Variants in F7 observed in about 807,000 individuals in gnomAD.
The protein encoded by F7 is FVII coagulation protein.
F7 carries 38 observed loss-of-function variants against 47.5 expected under a neutral mutation model. The ratio of observed to expected loss-of-function variants is 0.80; its 90% confidence interval spans 0.62 to 1.05. The LOEUF (loss-of-function observed/expected upper bound fraction) is 1.05. Among genes scored for constraint, F7 ranks in the 50% least tolerant of loss-of-function variants. The pLI is 0.00. For synonymous variants in F7, 244 were observed against 258.5 expected (o/e 0.94, Z 0.54); for missense variants, 575 against 605.4 (o/e 0.95, Z 0.53).
Position 113,118,381 on chromosome 13 carries a change from G to A in F7, c.740-32G>A, listed in dbSNP as rs1436775671. 2.6e-6 allele frequency: 4 copies of A among 1,566,688 alleles called. No individual in the cohort carries two copies. The Admixed American group carries it at 5.1e-5, about 20-fold the overall frequency. ...CCAGGGGGTGAGGTGGCAGGTGGTG[G>A]AAAGGGCCTGAGGGGGGCTTCTTCC... On this transcript the variant is annotated intron_variant, in intron 7 of 7. Transcript: ENST00000346342.
chr13:113,110,532 G>C (rs1351255311), intron 1 of F7, 158 bp from the exon 2 acceptor site: 6 of 950,788 alleles, frequency 6.3e-6, no homozygotes, highest in Non-Finnish European at 9.3e-6. Flanking sequence ...CCGGGAGCAC[G>C]GCAGGGAGGA....
rs1231244636 is a variant in F7 at position 113,105,891 on chromosome 13, G to T, written c.50G>T (p.Gly17Val). 1.9e-6 allele frequency: 3 copies of T among 1,588,896 alleles called. No homozygotes were observed. The highest frequency in any genetic ancestry group is 2.7e-5 in the African/African-American group (2 of 74,738). ...RLLCLLLGLQ[G>V]CLAAVFVTQE... is the part of the protein sequence containing the mutation. ...CTCTGCCTTCTGCTTGGGCTTCAGG[G>T]CTGCCTGGCTGCAGGTGCGTCCGGG... Residue 17 changes from glycine (G) to valine (V), a missense_variant, in exon 1 of 8, where the codon GGC (glycine) becomes GTC (valine). Gly to Val is a moderately radical substitution (Grantham distance 109). Coordinates refer to ENST00000346342, the MANE Select transcript of F7 (RefSeq NM_019616.4).
intron 1 of F7, chr13:113,106,981 T>C (rs2035973388): frequency 6.6e-7 from 1 of 1,517,692 alleles, no homozygotes; most frequent in East Asian, 2.4e-5. Flanking sequence ...TCCCCTCCCA[T>C]GGCAAAGAGC....
At chr13:113,112,165 ACACCTCACAGAGGT>A (rs1224605549) in intron 2 of F7, among the ~76,000 whole-genome samples, 1 of 137,804 alleles carries the variant, frequency 7.3e-6, no homozygotes, top group Admixed American at 7.2e-5. Context: ...CACCCACAGG[ACACCTCACAGAGGT>A]CACCTCACAC....
At chr13:113,106,240 G>C (rs2035950348) in intron 1 of F7, among the ~76,000 whole-genome samples, 1 of 136,410 alleles carries the variant, frequency 7.3e-6, no homozygotes, top group Non-Finnish European at 1.6e-5. Context: ...GTGCGCACAG[G>C]GTGCTCCCAG....
chr13:113,110,718 C>T lies in F7; in HGVS notation c.93C>T (p.Gly31=), dbSNP rs763156842. ...TCGTAACCCAGGAGGAAGCCCACGG[C>T]GTCCTGCACCGGCGCCGGCGCGCCA... The part of the protein sequence containing the change: ...AVFVTQEEAH[G]VLHRRRRANA... The change falls in exon 2 of 8, where the codon GGC becomes GGT. Residue 31 remains glycine, a synonymous_variant. Coordinates refer to ENST00000346342, the MANE Select transcript of F7 (RefSeq NM_019616.4). 56 of 1,548,610 alleles carry T rather than the reference C, an allele frequency of 3.6e-5. No individual in the cohort carries two copies. The Admixed American group carries it at 1.0e-3, about 28-fold the overall frequency.
chr13:113,110,545 C>A, intron 1 of F7, 145 bp from the exon 2 acceptor site: 2 of 1,139,994 alleles, frequency 1.8e-6, no homozygotes, highest in South Asian at 1.5e-5. Context: ...AGGGAGGACA[C>A]CCAGCCAGGC....
intron 2 of F7, among the ~76,000 whole-genome samples, chr13:113,112,974 ACACT>A (rs988697160): frequency 1.3e-4 from 19 of 150,772 alleles, no homozygotes; most frequent in Admixed American, 7.3e-4. Flanking sequence ...GGCACACTTC[ACACT>A]CACAGGTCAC....
At chr13:113,106,848 G>A (rs1235588257) in intron 1 of F7, 6 of 1,601,158 alleles carry the variant, frequency 3.7e-6, no homozygotes, top group Non-Finnish European at 4.3e-6. Context: ...GCCCCAGGCG[G>A]GGTCGCTAAG....
intron 1 of F7, among the ~76,000 whole-genome samples, chr13:113,109,799 T>A (rs1236779019): frequency 6.6e-6 from 1 of 151,988 alleles, no homozygotes; most frequent in Non-Finnish European, 1.5e-5. Flanking sequence ...CGGGGGTCAC[T>A]CTCCACCACC....
chr13:113,110,042 C>A (rs987092170), intron 1 of F7, among the ~76,000 whole-genome samples: 2 of 152,066 alleles, frequency 1.3e-5, no homozygotes, highest in African/African-American at 4.8e-5. Context: ...CTCTCAGGAC[C>A]GGCCCCAGGA....
intron 1 of F7, among the ~76,000 whole-genome samples, chr13:113,107,824 CGTGTCCCGGGGGCGTGG>C (rs1167630983): frequency 4.2e-4 from 2 of 4,798 alleles, no homozygotes; most frequent in Non-Finnish European, 7.3e-4. Context: ...CGGGAGTGTG[CGTGTCCCGGGGGCGTGG>C]GTGTCCCGGG....
intron 5 of F7, 102 bp from the exon 6 acceptor site, chr13:113,116,664 C>G: frequency 1.0e-6 from 1 of 974,668 alleles, no homozygotes; most frequent in Non-Finnish European, 1.6e-6. Context: ...CCCATAGCCT[C>G]GGCCTCAAGG....
chr13:113,119,497 G>A lies in F7; in HGVS notation c.*489G>A, dbSNP rs2036263176. 1.6e-5 allele frequency: 3 copies of A among 190,844 alleles called. No homozygotes were observed. The highest frequency in any genetic ancestry group is 3.3e-5 in the Non-Finnish European group (3 of 92,144). 11.8% of individuals were successfully genotyped at this position (190,844 alleles called of 1,614,324 possible). On this transcript the variant is annotated 3_prime_UTR_variant, in exon 8 of 8. Coordinates refer to ENST00000346342, the MANE Select transcript of F7 (RefSeq NM_019616.4). ...CGCCAATGCACACACACAGAGATAT[G>A]CACACACACGGATGCACACACAGAT...
At chr13:113,117,198 C>G (rs1219634626) in intron 6 of F7, among the ~76,000 whole-genome samples, 1 of 152,222 alleles carries the variant, frequency 6.6e-6, no homozygotes, top group Non-Finnish European at 1.5e-5. Flanking sequence ...AGCATTGGAT[C>G]AAAGCTATGT....
At position 113,119,996 on chromosome 13, in the gene F7, T is replaced by C. The variant is rs1388341637; in HGVS notation, c.*988T>C. The stretch of plus-strand genomic sequence containing the variant: ...GCTTCCCAGCTTCACAATAAACGGC[T>C]GCGTCTCCTCCGCACACCTGTGGTG... On this transcript the variant is annotated 3_prime_UTR_variant, in exon 8 of 8. Transcript: ENST00000346342. 1 of 152,238 alleles carries C rather than the reference T, an allele frequency of 6.6e-6. No individual in the cohort carries two copies. Among genetic ancestry groups the C allele is most frequent in the Non-Finnish European group, 1.5e-5 (1 of 68,074 alleles). 9.4% of individuals were successfully genotyped at this position (152,238 alleles called of 1,614,324 possible). A position where few individuals can be genotyped will look rare whatever the true frequency, so the allele number is the denominator to read the frequency against.
At position 113,113,695 on chromosome 13, in the gene F7, C is replaced by A; in HGVS notation, c.226-57C>A. ...CAGTTCATGGTGTGTCCAGTGCTTA[C>A]CGTTGGGTGCTCTGGTGAAGGTGCA... On this transcript the variant is annotated intron_variant, in intron 2 of 7. Transcript: ENST00000346342. The surrounding 1 kb of genome is among the most constrained non-coding windows in gnomAD (Gnocchi z 4.1). The A allele has an allele frequency of 6.4e-7, 1 of 1,564,338 alleles. No individual in the cohort carries two copies. The highest frequency in any genetic ancestry group is 1.1e-5 in the South Asian group (1 of 90,132).
At chr13:113,108,699 C>G (rs2036022288) in intron 1 of F7, among the ~76,000 whole-genome samples, 1 of 128,722 alleles carries the variant, frequency 7.8e-6, no homozygotes, top group South Asian at 2.9e-4. Flanking sequence ...GTGAGTGTCC[C>G]GGGGGTGTGG....
chr13:113,106,007 C>T, intron 1 of F7, 102 bp downstream of exon 1: 3 of 1,020,972 alleles, frequency 2.9e-6, no homozygotes, highest in Non-Finnish European at 4.2e-6. Flanking sequence ...TCCGGACACC[C>T]CCATCCACCA....
Sources: gnomAD v4.1 joint callset for allele counts (sites outside exome capture counted in the v4.1 genomes callset) on GRCh38, gnomAD v4.1.1 for gene constraint, Gnocchi (gnomAD v3.1) non-coding constraint, MANE v1.5 for transcripts, NCBI Gene and HGNC (gene_info 2026-07-23, HGNC 2026-07-21) for gene names.